RABGAP1: variants seen among roughly 807,000 people sequenced by gnomAD.
RABGAP1 encodes the protein rab GTPase-activating protein 1.
In RABGAP1, 23 loss-of-function variants were observed where a neutral mutation model predicts 137.6. That is an observed-to-expected ratio of 0.17 (90% CI 0.12 to 0.24). The LOEUF is 0.24. Among genes scored for constraint, RABGAP1 ranks in the 10% least tolerant of loss-of-function variants. The pLI is 1.00. For synonymous variants in RABGAP1, 451 were observed against 450.7 expected (o/e 1.00, Z -0.01); for missense variants, 906 against 1,275.8 (o/e 0.71, Z 4.42).
rs1384257045 is a variant in RABGAP1, at chr9:123,052,520, TCTC to T, written c.1795-12827_1795-12825del. Among the ~76,000 whole-genome samples, 6 of 152,356 alleles carry T rather than the reference TCTC, an allele frequency of 3.9e-5. No homozygotes were observed. The South Asian group carries it at 8.3e-4, about 21-fold the overall frequency. On this transcript the variant is annotated intron_variant, in intron 13 of 25. Transcript: ENST00000373647. ...GTGCCTACTTTGTGTCAGATACTCT[TCTC>T]TGGGCTTAGAGATATACGTGAACAA... is the stretch of plus-strand genomic sequence containing the variant.
At chr9:123,092,592 G>A (rs7872021) in intron 21 of RABGAP1, among the ~76,000 whole-genome samples, 18,101 of 151,896 alleles carry the variant, frequency 0.12, 3,500 homozygotes, top group African/African-American at 0.41. Context: ...TGTTTCCACA[G>A]TAAATATGGG....
At chr9:123,001,525 T>C (rs965690149) in intron 10 of RABGAP1, among the ~76,000 whole-genome samples, 2 of 152,186 alleles carry the variant, frequency 1.3e-5, no homozygotes, top group African/African-American at 2.4e-5. Context: ...TGGACACTTA[T>C]TTTCAGTGTT....
chr9:122,974,364 G>T (rs976074577), intron 2 of RABGAP1, among the ~76,000 whole-genome samples: 2 of 145,138 alleles, frequency 1.4e-5, no homozygotes, highest in Non-Finnish European at 3.0e-5. Flanking sequence ...GTAGGTAGAA[G>T]AATTGATTGT....
intron 13 of RABGAP1, chr9:123,035,152 G>A: frequency 1.2e-6 from 2 of 1,613,874 alleles, no homozygotes; most frequent in South Asian, 1.1e-5. Context: ...CCTGTTCATC[G>A]TGATGATGTT....
intron 12 of RABGAP1, 30 bp downstream of exon 12, chr9:123,015,666 C>G: frequency 6.8e-7 from 1 of 1,478,796 alleles, no homozygotes; most frequent in South Asian, 1.2e-5. Context: ...TTTTTTTTAT[C>G]TGCAATTTTC....
chr9:123,031,147 A>G (rs1254318484), intron 13 of RABGAP1, among the ~76,000 whole-genome samples: 2 of 152,098 alleles, frequency 1.3e-5, no homozygotes, highest in Non-Finnish European at 2.9e-5. Context: ...TATCAGCGTA[A>G]CTGTCTTGTT....
intron 7 of RABGAP1, 191 bp from the exon 8 acceptor site, chr9:122,996,348 A>T (rs1447120291): frequency 8.5e-7 from 1 of 1,180,354 alleles, no homozygotes; most frequent in East Asian, 2.6e-5. Context: ...CTCTTCAACT[A>T]TGTGGTAATA....
At chr9:123,072,021 A>G (rs946130130) in intron 15 of RABGAP1, among the ~76,000 whole-genome samples, 2 of 152,298 alleles carry the variant, frequency 1.3e-5, no homozygotes, top group South Asian at 4.1e-4. Context: ...GTATTAAGCC[A>G]TTTTGTGTAG....
chr9:122,997,702 G>T (rs542453711), intron 9 of RABGAP1, among the ~76,000 whole-genome samples: 1 of 152,246 alleles, frequency 6.6e-6, no homozygotes, highest in African/African-American at 2.4e-5. Context: ...GGGGAAGTGA[G>T]TCTACCACAG....
At chr9:122,967,720 T>C (rs1252916605) in intron 2 of RABGAP1, among the ~76,000 whole-genome samples, 1 of 134,350 alleles carries the variant, frequency 7.4e-6, no homozygotes, top group African/African-American at 2.9e-5. Context: ...TTTTGCTGTC[T>C]CATATGTCTT....
chr9:123,017,528 C>T (rs1172633139), intron 12 of RABGAP1, among the ~76,000 whole-genome samples: 4 of 151,992 alleles, frequency 2.6e-5, no homozygotes, highest in Non-Finnish European at 2.9e-5. Flanking sequence ...GATATGTGTT[C>T]TATGGGTAAG....
chr9:123,037,151 A>T (rs996263388), intron 13 of RABGAP1, among the ~76,000 whole-genome samples: 1 of 152,158 alleles, frequency 6.6e-6, no homozygotes, highest in African/African-American at 2.4e-5. Flanking sequence ...CCCAGGGGAC[A>T]TGGGTTAAAG....
chr9:123,056,053 C>G (rs1301365223), intron 13 of RABGAP1, among the ~76,000 whole-genome samples: 1 of 152,164 alleles, frequency 6.6e-6, no homozygotes, highest in African/African-American at 2.4e-5. Flanking sequence ...CTGCCCTGGT[C>G]CTAGAATCAG....
chr9:123,054,093 T>G (rs1476145520), intron 13 of RABGAP1, among the ~76,000 whole-genome samples: 1 of 152,202 alleles, frequency 6.6e-6, no homozygotes, highest in African/African-American at 2.4e-5. Context: ...ATGTTACTAT[T>G]TCCTTCGATT....
At chr9:123,007,084 G>T (rs1476374422) in intron 10 of RABGAP1, among the ~76,000 whole-genome samples, 1 of 8,134 alleles carries the variant, frequency 1.2e-4, no homozygotes, top group African/African-American at 1.6e-4. Flanking sequence ...TTTGTTTGTG[G>T]GTTTATTTTT....
chr9:122,947,207 G>C (rs184612270), intron 1 of RABGAP1, among the ~76,000 whole-genome samples: 4 of 152,272 alleles, frequency 2.6e-5, no homozygotes, highest in Admixed American at 2.6e-4. Context: ...AAACCTTGAA[G>C]ACTTATACTA....
At chr9:122,964,833 A>C (rs909356100) in intron 2 of RABGAP1, among the ~76,000 whole-genome samples, 1 of 152,092 alleles carries the variant, frequency 6.6e-6, no homozygotes, top group Admixed American at 6.6e-5. Context: ...TCTACAAGAA[A>C]AAAATTTTTT....
At chr9:122,983,509 C>T (rs917971184) in intron 2 of RABGAP1, among the ~76,000 whole-genome samples, 63 of 152,254 alleles carry the variant, frequency 4.1e-4, no homozygotes, top group Non-Finnish European at 8.1e-4. Flanking sequence ...AATAAAAGTA[C>T]TTGAATTGGA....
intron 1 of RABGAP1, among the ~76,000 whole-genome samples, chr9:122,943,129 G>A (rs1833710404): frequency 7.2e-6 from 1 of 139,634 alleles, no homozygotes; most frequent in South Asian, 2.2e-4. Context: ...TTGTTGCCCA[G>A]GCTGGAGTGA....
Sources: allele counts gnomAD v4.1 joint callset (sites outside exome capture counted in the v4.1 genomes callset), GRCh38; gene constraint gnomAD v4.1.1; transcripts MANE v1.5; gene names NCBI Gene and HGNC (gene_info 2026-07-23, HGNC 2026-07-21).